Variants in AIG1 observed in about 807,000 individuals in gnomAD.
AIG1 encodes androgen induced 1, also known as androgen-induced gene 1 protein.
In AIG1, 23 loss-of-function variants were observed where a neutral mutation model predicts 31.4. That is an observed-to-expected ratio of 0.73 (90% CI 0.53 to 1.04). The LOEUF is 1.04. AIG1 is among the 50% of genes least tolerant of loss of function. The probability of loss-of-function intolerance (pLI) is 0.00; values close to 1 mark genes in which losing one functional copy is unlikely to be tolerated. For missense variants in AIG1, 274 were observed against 295.0 expected (o/e 0.93, Z 0.52); for synonymous variants, 100 against 110.5 (o/e 0.90, Z 0.60).
In AIG1 at chr6:143,330,427, T is replaced by G. The variant is rs983120521; in HGVS notation, c.516-2855T>G. On this transcript the variant is annotated intron_variant, in intron 4 of 5. Coordinates refer to ENST00000357847, the MANE Select transcript of AIG1 (RefSeq NM_016108.4). This position sits in a 1 kb window ranked among gnomAD's most constrained non-coding sequence, Gnocchi z 4.4. ...ATGCTGTGGGGGTGGTGAGGAGTAT[T>G]GTTCTGGGCAGGGGAATAATACAAA... Among the ~76,000 whole-genome samples the G allele has an allele frequency of 6.6e-6, 1 of 152,026 alleles. No homozygotes were observed. Among genetic ancestry groups the G allele is most frequent in the African/African-American group, 2.4e-5 (1 of 41,382 alleles).
At chr6:143,130,074 G>A (rs1783074698) in intron 1 of AIG1, among the ~76,000 whole-genome samples, 1 of 151,704 alleles carries the variant, frequency 6.6e-6, no homozygotes, top group Admixed American at 6.6e-5. Context: ...GGGACCACAG[G>A]TGTGCACCAC....
At chr6:143,204,322 G>A (rs1790936595) in intron 3 of AIG1, among the ~76,000 whole-genome samples, 1 of 152,142 alleles carries the variant, frequency 6.6e-6, no homozygotes, top group African/African-American at 2.4e-5. Context: ...ATGGCTGGAA[G>A]TCTGTGCTCA....
intron 3 of AIG1, among the ~76,000 whole-genome samples, chr6:143,250,462 A>G (rs547232271): frequency 6.6e-6 from 1 of 152,360 alleles, no homozygotes; most frequent in Admixed American, 6.5e-5. Flanking sequence ...TCCAGAACCT[A>G]TGAAAATAAC....
intron 3 of AIG1, among the ~76,000 whole-genome samples, chr6:143,193,087 ACTTTCTGCC>A (rs1186262986): frequency 6.6e-6 from 1 of 152,238 alleles, no homozygotes; most frequent in Non-Finnish European, 1.5e-5. Flanking sequence ...AGCTCCAGGC[ACTTTCTGCC>A]CATCTAAACT....
intron 3 of AIG1, among the ~76,000 whole-genome samples, chr6:143,262,388 T>A (rs1172173572): frequency 6.6e-6 from 1 of 152,190 alleles, no homozygotes; most frequent in Non-Finnish European, 1.5e-5. Context: ...AACTCTAACA[T>A]ACAGCTCTGC....
At chr6:143,218,592 A>G (rs908472730) in intron 3 of AIG1, among the ~76,000 whole-genome samples, 6 of 152,182 alleles carry the variant, frequency 3.9e-5, no homozygotes, top group Admixed American at 2.0e-4. Context: ...ACCAGCTTCT[A>G]ATGGTTTAAA....
rs1221679519 is a variant in AIG1 at position 143,327,929 on chromosome 6, G to A, written c.516-5353G>A. On this transcript the variant is annotated intron_variant, in intron 4 of 5. Coordinates refer to ENST00000357847, the MANE Select transcript of AIG1 (RefSeq NM_016108.4). The surrounding 1 kb of genome is among the most constrained non-coding windows in gnomAD (Gnocchi z 5.3). Reference sequence around the variant, plus strand: ...TGTCTTAAGAACAGTTTGATAAACTGCCTAGAATAGAGGAGAGATCTGGGT... The same window carrying A: ...TGTCTTAAGAACAGTTTGATAAACTACCTAGAATAGAGGAGAGATCTGGGT... 6.6e-6 allele frequency among the ~76,000 whole-genome samples: 1 copy of A among 152,184 alleles called. No individual in the cohort carries two copies. The highest frequency in any genetic ancestry group is 1.5e-5 in the Non-Finnish European group (1 of 68,028).
chr6:143,091,554 C>T (rs763946720), intron 1 of AIG1, among the ~76,000 whole-genome samples: 4 of 152,160 alleles, frequency 2.6e-5, no homozygotes, highest in Admixed American at 2.6e-4. Flanking sequence ...AGAAAAAAAG[C>T]TGTGTCTCTA....
At position 143,129,650 on chromosome 6, in the gene AIG1, G is replaced by A. The variant is rs559927031; in HGVS notation, c.142-7185G>A. ...GTTTTTTCGCTCTCCTAGAATTCGA[G>A]ATTCTGTTTTTCCCTTTTTTTCATG... is the stretch of plus-strand genomic sequence containing the variant. On this transcript the variant is annotated intron_variant, in intron 1 of 5. Transcript: ENST00000357847. Among the ~76,000 whole-genome samples the A allele has an allele frequency of 1.8e-4, 27 of 152,200 alleles. No individual in the cohort carries two copies. In the South Asian group the frequency reaches 2.3e-3, roughly 13 times the overall value.
chr6:143,082,552 G>A (rs1393043996), intron 1 of AIG1, among the ~76,000 whole-genome samples: 6 of 152,172 alleles, frequency 3.9e-5, no homozygotes, highest in African/African-American at 1.4e-4. Context: ...CTTTAGCAGT[G>A]AGTATGCTGT....
rs1583757181 is a variant in AIG1 at position 143,290,712 on chromosome 6, G to A, written c.515+6487G>A. Among the ~76,000 whole-genome samples, 5 of 152,108 alleles carry A rather than the reference G, an allele frequency of 3.3e-5. No individual in the cohort carries two copies. In the South Asian group the frequency reaches 6.2e-4, roughly 19 times the overall value. On this transcript the variant is annotated intron_variant, in intron 4 of 5. Coordinates refer to ENST00000357847, the MANE Select transcript of AIG1 (RefSeq NM_016108.4). ...TAGAGAGGCAGTTTTAACAACAACC[G>A]ACTGACCATCACCTGATGGTTGCCT...
intron 3 of AIG1, among the ~76,000 whole-genome samples, chr6:143,169,293 A>G (rs1175666516): frequency 6.6e-6 from 1 of 151,964 alleles, no homozygotes; most frequent in Admixed American, 6.6e-5. Context: ...TTTTTCCTTT[A>G]CTTGTACCTT....
chr6:143,102,344 C>T (rs1780364682), intron 1 of AIG1, among the ~76,000 whole-genome samples: 1 of 150,482 alleles, frequency 6.6e-6, no homozygotes, highest in Non-Finnish European at 1.5e-5. Context: ...AAAAAAAACA[C>T]CTATTGTGAC....
rs1442144286 is a variant in AIG1 at position 143,329,074 on chromosome 6, A to C, written c.516-4208A>C. 1.3e-5 allele frequency among the ~76,000 whole-genome samples: 2 copies of C among 152,260 alleles called. No individual in the cohort carries two copies. The highest frequency in any genetic ancestry group is 2.4e-5 in the African/African-American group (1 of 41,464). ...GGTGAAAGCACAACTTGTTAAGACA[A>C]GTGGATGCATCATTCACACTGATCC... On this transcript the variant is annotated intron_variant, in intron 4 of 5. Transcript: ENST00000357847. The surrounding 1 kb of genome is among the most constrained non-coding windows in gnomAD (Gnocchi z 4.9).
chr6:143,108,106 T>C (rs1025005849), intron 1 of AIG1, among the ~76,000 whole-genome samples: 1 of 152,202 alleles, frequency 6.6e-6, no homozygotes, highest in Non-Finnish European at 1.5e-5. Context: ...AACATAGTTT[T>C]AGAATATAGG....
intron 2 of AIG1, among the ~76,000 whole-genome samples, chr6:143,149,421 G>A (rs1408797160): frequency 6.6e-6 from 1 of 151,640 alleles, no homozygotes; most frequent in African/African-American, 2.4e-5. Context: ...CAGCTACTAG[G>A]GAGGCTGAGG....
intron 3 of AIG1, chr6:143,190,023 A>G (rs1257849116): frequency 6.4e-6 from 3 of 465,336 alleles, no homozygotes; most frequent in Middle Eastern, 1.1e-3. Flanking sequence ...GGAACAAGTA[A>G]TCTCTCTGGA....
chr6:143,331,445 G>A lies in AIG1; in HGVS notation c.516-1837G>A, dbSNP rs1358067213. Among the ~76,000 whole-genome samples the A allele has an allele frequency of 6.6e-6, 1 of 151,884 alleles. No homozygotes were observed. Among genetic ancestry groups the A allele is most frequent in the Non-Finnish European group, 1.5e-5 (1 of 68,006 alleles). On this transcript the variant is annotated intron_variant, in intron 4 of 5. Coordinates refer to ENST00000357847, the MANE Select transcript of AIG1 (RefSeq NM_016108.4). The surrounding 1 kb of genome is among the most constrained non-coding windows in gnomAD (Gnocchi z 4.1). ...CTATTCTAGGTACCTCATATAAGTG[G>A]AATCATATACAATATGTGACCTGTG...
intron 3 of AIG1, among the ~76,000 whole-genome samples, chr6:143,281,889 G>A (rs1797362205): frequency 6.6e-6 from 1 of 152,202 alleles, no homozygotes; most frequent in Non-Finnish European, 1.5e-5. Context: ...CTGTGGTTAT[G>A]TCACTGATGG....
Sources: gnomAD v4.1 joint callset for allele counts (sites outside exome capture counted in the v4.1 genomes callset) on GRCh38, gnomAD v4.1.1 for gene constraint, Gnocchi (gnomAD v3.1) non-coding constraint, MANE v1.5 for transcripts, NCBI Gene and HGNC (gene_info 2026-07-23, HGNC 2026-07-21) for gene names.